Variants in OSBPL10 observed in about 807,000 individuals in gnomAD.
OSBPL10 encodes oxysterol-binding protein-related protein 10.
In OSBPL10, 49 loss-of-function variants were observed where a neutral mutation model predicts 81.7. The ratio of observed to expected loss-of-function variants is 0.60; its 90% confidence interval spans 0.48 to 0.76. The LOEUF is 0.76. Ranked by LOEUF, OSBPL10 falls within the 30% of genes least tolerant of loss-of-function variation. The probability of loss-of-function intolerance (pLI) is 0.00; values close to 1 mark genes in which losing one functional copy is unlikely to be tolerated. For missense variants in OSBPL10, 923 were observed against 987.8 expected (o/e 0.93, Z 0.88); for synonymous variants, 419 against 383.6 (o/e 1.09, Z -1.08).
chr3:31,749,495 G>A (rs1416235858), intron 4 of OSBPL10, among the ~76,000 whole-genome samples: 4 of 152,182 alleles, frequency 2.6e-5, no homozygotes, highest in Non-Finnish European at 5.9e-5. Context: ...AGCTCAATAA[G>A]TACTCATTTC....
intron 6 of OSBPL10, among the ~76,000 whole-genome samples, chr3:31,725,906 A>T (rs1398204812): frequency 6.6e-6 from 1 of 152,202 alleles, no homozygotes; most frequent in East Asian, 1.9e-4. Context: ...AATACTCTGG[A>T]GTTTCCAGAG....
At chr3:31,667,485 G>T (rs1340238783) in intron 10 of OSBPL10, among the ~76,000 whole-genome samples, 3 of 152,170 alleles carry the variant, frequency 2.0e-5, no homozygotes, top group Non-Finnish European at 4.4e-5. Context: ...ACATACTGTG[G>T]TATCCCTGCT....
intron 5 of OSBPL10, among the ~76,000 whole-genome samples, chr3:31,746,461 C>T (rs185060652): frequency 2.0e-5 from 3 of 152,028 alleles, no homozygotes; most frequent in African/African-American, 7.2e-5. Context: ...GGAGGATCAC[C>T]TGAGGTTGGG....
chr3:31,670,850 G>GT lies in OSBPL10; in HGVS notation c.1859dup (p.Tyr620Ter). 6.2e-7 allele frequency: 1 copy of GT among 1,614,166 alleles called. No individual in the cohort carries two copies. Among genetic ancestry groups the GT allele is most frequent in the Non-Finnish European group, 8.5e-7 (1 of 1,180,022 alleles). Residue 620 changes from tyrosine to a stop codon, truncating the protein, a stop_gained and frameshift_variant, in exon 9 of 12, where the codon TAC (tyrosine) becomes TAAC (stop). Coordinates refer to ENST00000396556, the MANE Select transcript of OSBPL10 (RefSeq NM_017784.5). LOFTEE classifies it high-confidence loss of function. ...KVSINCAKTG[Y>*]SATVIFHTKP... ...TCGTGTGGAATATCACTGTCGCTGAGTACCCAGTCTTGGCACAGTTGATGC... is the reference window on the plus strand; with the variant it reads ...TCGTGTGGAATATCACTGTCGCTGAGTTACCCAGTCTTGGCACAGTTGATGC...
chr3:32,068,938 T>A (rs965555237), intron 1 of OSBPL10, among the ~76,000 whole-genome samples: 1 of 151,984 alleles, frequency 6.6e-6, no homozygotes, highest in African/African-American at 2.4e-5. Context: ...CTCCAACTCT[T>A]GTTCAGCCCC....
intron 8 of OSBPL10, among the ~76,000 whole-genome samples, chr3:31,680,511 T>A (rs542124999): frequency 2.0e-5 from 3 of 152,172 alleles, no homozygotes; most frequent in African/African-American, 7.2e-5. Context: ...TATGCATGGG[T>A]TCCTAGGCAA....
intron 2 of OSBPL10, 114 bp downstream of exon 2, chr3:31,879,541 C>T: frequency 8.7e-7 from 1 of 1,154,870 alleles, no homozygotes; most frequent in Admixed American, 2.7e-5. Flanking sequence ...CAGAGTCCTC[C>T]AAACACAGCA....
At chr3:31,886,462 A>G (rs1695738804) in intron 1 of OSBPL10, among the ~76,000 whole-genome samples, 1 of 152,194 alleles carries the variant, frequency 6.6e-6, no homozygotes, top group African/African-American at 2.4e-5. Flanking sequence ...CCAAGCTCCT[A>G]GCTGACCGCA....
At chr3:31,853,524 A>C (rs758007748) in intron 3 of OSBPL10, among the ~76,000 whole-genome samples, 2 of 152,192 alleles carry the variant, frequency 1.3e-5, no homozygotes, top group African/African-American at 2.4e-5. Flanking sequence ...AAGGTTAGCC[A>C]CCTTGGAATA....
At chr3:31,890,167 G>A (rs1412960145) in intron 1 of OSBPL10, among the ~76,000 whole-genome samples, 4 of 149,792 alleles carry the variant, frequency 2.7e-5, no homozygotes, top group African/African-American at 4.9e-5. Flanking sequence ...AAAACCTTCC[G>A]TTATTCATCA....
chr3:31,688,283 TCACA>T lies in OSBPL10; in HGVS notation c.1246-4173_1246-4170del, dbSNP rs55643097. Among the ~76,000 whole-genome samples the T allele has an allele frequency of 3.5e-3, 407 of 115,474 alleles. 2 individuals carry two copies. The highest frequency in any genetic ancestry group is 0.022 in the Middle Eastern group (5 of 224). The allele number at this position is 115,474 out of a possible 152,430, so 75.8% of individuals were successfully genotyped here. ...CTGCACAAATCTCTCTCTCTCTCTC[TCACA>T]CACACACACACACACACACACACAC... is the stretch of plus-strand genomic sequence containing the variant. On this transcript the variant is annotated intron_variant, in intron 7 of 11. Coordinates refer to ENST00000396556, the MANE Select transcript of OSBPL10 (RefSeq NM_017784.5).
At chr3:31,840,156 G>A (rs886471743) in intron 3 of OSBPL10, among the ~76,000 whole-genome samples, 2 of 151,978 alleles carry the variant, frequency 1.3e-5, no homozygotes, top group Non-Finnish European at 2.9e-5. Flanking sequence ...GCGTGCTGAG[G>A]AATTCTATAA....
At chr3:31,716,581 G>C (rs1696444875) in intron 6 of OSBPL10, among the ~76,000 whole-genome samples, 1 of 152,176 alleles carries the variant, frequency 6.6e-6, no homozygotes, top group East Asian at 1.9e-4. Flanking sequence ...GGCTCCCAGG[G>C]AGGAGCAGCA....
At chr3:32,072,805 A>G (rs1011105014) in intron 1 of OSBPL10, among the ~76,000 whole-genome samples, 2 of 152,156 alleles carry the variant, frequency 1.3e-5, no homozygotes, top group African/African-American at 4.8e-5. Context: ...TTCACTGGAT[A>G]GGTAGAGGCC....
intron 1 of OSBPL10, among the ~76,000 whole-genome samples, chr3:31,933,687 G>A (rs1697310461): frequency 6.6e-6 from 1 of 152,046 alleles, no homozygotes; most frequent in Non-Finnish European, 1.5e-5. Flanking sequence ...CGGGATTACA[G>A]GATTGAGCCA....
chr3:32,071,013 C>A (rs1029074698), intron 1 of OSBPL10, among the ~76,000 whole-genome samples: 1 of 152,224 alleles, frequency 6.6e-6, no homozygotes, highest in Non-Finnish European at 1.5e-5. Context: ...TTCCACTCCT[C>A]TGCTTCTCAC....
chr3:31,753,410 C>T (rs1165000026), intron 4 of OSBPL10, among the ~76,000 whole-genome samples: 2 of 152,112 alleles, frequency 1.3e-5, no homozygotes, highest in Admixed American at 1.3e-4. Context: ...GTCTCGAACT[C>T]CTGACCTCAG....
intron 5 of OSBPL10, among the ~76,000 whole-genome samples, chr3:31,738,309 T>C (rs1404376177): frequency 6.6e-6 from 1 of 151,862 alleles, no homozygotes; most frequent in East Asian, 1.9e-4. Context: ...GTTTATGAAG[T>C]TTGGCAACAT....
chr3:31,729,290 C>T (rs943645946), intron 6 of OSBPL10, among the ~76,000 whole-genome samples: 1 of 152,068 alleles, frequency 6.6e-6, no homozygotes, highest in African/African-American at 2.4e-5. Context: ...GTGCCAAGAG[C>T]CCAACCAGTC....
Sources: allele counts gnomAD v4.1 joint callset (sites outside exome capture counted in the v4.1 genomes callset), GRCh38; gene constraint gnomAD v4.1.1; transcripts MANE v1.5; gene names NCBI Gene and HGNC (gene_info 2026-07-23, HGNC 2026-07-21).